The following MTMR9 variants were observed in gnomAD, a reference collection of about 807,000 sequenced individuals.
MTMR9 encodes myotubularin related protein 9.
Under a neutral mutation model 69.5 loss-of-function variants are expected in MTMR9, and 39 were observed. That is an observed-to-expected ratio of 0.56 (90% confidence interval 0.43 to 0.73). The LOEUF is 0.73. Ranked by LOEUF, MTMR9 falls within the 30% of genes least tolerant of loss-of-function variation. MTMR9 has a pLI of 0.00. For synonymous variants in MTMR9, 354 were observed against 240.8 expected (o/e 1.47, Z -4.35); for missense variants, 900 against 671.2 (o/e 1.34, Z -3.77).
rs532824326 is a variant in MTMR9 at position 11,316,849 on chromosome 8, T to G, written c.1290T>G (p.Tyr430Ter). The G allele has an allele frequency of 6.2e-7, 1 of 1,612,472 alleles. No individual in the cohort carries two copies. The highest frequency in any genetic ancestry group is 1.1e-5 in the South Asian group (1 of 90,824). Residue 430 changes from tyrosine to a stop codon, truncating the protein, a stop_gained, in exon 8 of 10, where the codon TAT becomes TAG. Coordinates refer to ENST00000221086, the MANE Select transcript of MTMR9 (RefSeq NM_015458.4). LOFTEE classifies it high-confidence loss of function. ...TCATCATGCTCTTTGAGCATGCTTA[T>G]GCCTCACAGTTTGGAACATTTCTGG... ...NFLIMLFEHA[Y>*]ASQFGTFLGN...
chr8:11,312,160 T>G (rs1372117367), intron 6 of MTMR9, among the ~76,000 whole-genome samples: 1 of 152,022 alleles, frequency 6.6e-6, no homozygotes, highest in East Asian at 1.9e-4. Flanking sequence ...TTCTCCCACC[T>G]CAGCCTCCCA....
downstream of MTMR9, among the ~76,000 whole-genome samples, chr8:11,332,617 T>TC (rs397796869): frequency 6.6e-6 from 1 of 151,920 alleles, no homozygotes; most frequent in Non-Finnish European, 1.5e-5. Flanking sequence ...CTTTTTTTTT[T>TC]CTGAGACAGA....
intron 5 of MTMR9, among the ~76,000 whole-genome samples, chr8:11,308,564 A>T (rs1800060233): frequency 6.6e-6 from 1 of 152,042 alleles, no homozygotes; most frequent in Admixed American, 6.6e-5. Flanking sequence ...TTCATGACTC[A>T]GTCTTGGTAG....
chr8:11,331,325 C>A, downstream of MTMR9: 2 of 1,613,978 alleles, frequency 1.2e-6, no homozygotes, highest in Non-Finnish European at 8.5e-7. Context: ...TGGAGCTGCT[C>A]ATCTGTCGAT....
intron 1 of MTMR9, among the ~76,000 whole-genome samples, chr8:11,290,540 T>G (rs974796596): frequency 2.6e-5 from 4 of 152,108 alleles, no homozygotes; most frequent in African/African-American, 9.7e-5. Flanking sequence ...ATCACCAGGA[T>G]GTTCTCCTAC....
In MTMR9 at chr8:11,288,024, GATATATA is replaced by G. The variant is rs1043952525; in HGVS notation, c.182+2962_182+2968del. 2.3e-4 allele frequency among the ~76,000 whole-genome samples: 27 copies of G among 117,830 alleles called. 1 individual carries two copies. In the South Asian group the frequency reaches 5.8e-3, roughly 25 times the overall value. The allele number at this position is 117,830 out of a possible 152,430, so 77.3% of individuals were successfully genotyped here. ...ATAATACATAGTATATAATACGTAT[GATATATA>G]ATATATATTATATAATACGTATTAT... On this transcript the variant is annotated intron_variant, in intron 1 of 9. Transcript: ENST00000221086.
At chr8:11,321,878 A>G (rs1446724211) in intron 9 of MTMR9, among the ~76,000 whole-genome samples, 2 of 152,178 alleles carry the variant, frequency 1.3e-5, no homozygotes, top group African/African-American at 4.8e-5. Flanking sequence ...GAGTGTTTTA[A>G]TGAATCATAA....
chr8:11,308,184 T>C (rs1475531945), intron 5 of MTMR9, among the ~76,000 whole-genome samples: 1 of 152,222 alleles, frequency 6.6e-6, no homozygotes, highest in African/African-American at 2.4e-5. Context: ...GGCCTTATGT[T>C]TAAGTCTTTA....
At chr8:11,298,399 T>A (rs1465425498) in intron 2 of MTMR9, among the ~76,000 whole-genome samples, 5 of 151,808 alleles carry the variant, frequency 3.3e-5, no homozygotes, top group South Asian at 2.1e-4. Context: ...ATATATATAT[T>A]TATATGGATA....
At chr8:11,302,133 G>A (rs528387438) in intron 3 of MTMR9, among the ~76,000 whole-genome samples, 2 of 151,560 alleles carry the variant, frequency 1.3e-5, no homozygotes, top group East Asian at 1.9e-4. Flanking sequence ...TGTGTCTTTG[G>A]TCCCAGTTAC....
chr8:11,331,063 C>G, downstream of MTMR9: 1 of 1,554,988 alleles, frequency 6.4e-7, no homozygotes, highest in African/African-American at 1.4e-5. Context: ...TCTGAGGGGC[C>G]CAGGCTCCCT....
chr8:11,299,417 A>G (rs1057092837), intron 2 of MTMR9, among the ~76,000 whole-genome samples: 1 of 152,184 alleles, frequency 6.6e-6, no homozygotes, highest in Non-Finnish European at 1.5e-5. Flanking sequence ...TGCTTCAACA[A>G]CACTATGAAG....
In MTMR9 at chr8:11,309,601, G is replaced by T. The variant is rs147515504; in HGVS notation, c.884G>T (p.Trp295Leu). The T allele has an allele frequency of 1.1e-5, 18 of 1,613,780 alleles. No homozygotes were observed. The highest frequency in any genetic ancestry group is 1.3e-5 in the African/African-American group (1 of 74,886). ...GACCAAACACATAACATGGACCGAT[G>T]GCTCAGTAAATTGGAGGCCTCTAAC... Reference protein sequence around the residue: ...CNDQTHNMDRWLSKLEASNWL... With the variant: ...CNDQTHNMDRLLSKLEASNWL... The change falls in exon 6 of 10, where the codon TGG (tryptophan) becomes TTG (leucine). Residue 295 changes from tryptophan (W) to leucine (L), a missense_variant. Trp to Leu is a moderately conservative substitution (Grantham distance 61). Coordinates refer to ENST00000221086, the MANE Select transcript of MTMR9 (RefSeq NM_015458.4).
At chr8:11,333,151 A>C in the MTMR9 span, among the ~76,000 whole-genome samples, 1 of 152,232 alleles carries the variant, frequency 6.6e-6, no homozygotes, top group Non-Finnish European at 1.5e-5. Flanking sequence ...CAAATCCAAG[A>C]AGCCTCTACA....
At chr8:11,286,275 G>A (rs1036634806) in intron 1 of MTMR9, among the ~76,000 whole-genome samples, 7 of 151,778 alleles carry the variant, frequency 4.6e-5, no homozygotes, top group African/African-American at 1.7e-4. Flanking sequence ...TCTAATGGTA[G>A]AATTGCAGGC....
intron 9 of MTMR9, chr8:11,321,453 C>A (rs1217413933): frequency 2.2e-6 from 1 of 456,500 alleles, no homozygotes; most frequent in Admixed American, 2.3e-5. Context: ...ACATTGGGAG[C>A]TGGGTGGCCT....
rs886148290 is a variant in MTMR9, at chr8:11,325,095, G to C, written c.*2307G>C. ...TGAGACAACAATCTATACTGTTTTGGCAAGTTTGCATTTTAGTATTAATTT... is the reference window on the plus strand; with the variant it reads ...TGAGACAACAATCTATACTGTTTTGCCAAGTTTGCATTTTAGTATTAATTT... On this transcript the variant is annotated 3_prime_UTR_variant, in exon 10 of 10. Transcript: ENST00000221086. 2.6e-5 allele frequency: 4 copies of C among 152,130 alleles called. No homozygotes were observed. Among genetic ancestry groups the C allele is most frequent in the Admixed American group, 6.5e-5 (1 of 15,276 alleles). 9.4% of individuals were successfully genotyped at this position (152,130 alleles called of 1,614,324 possible). A position where few individuals can be genotyped will look rare whatever the true frequency, so the allele number is the denominator to read the frequency against.
chr8:11,313,496 C>T (rs1800288147), intron 6 of MTMR9, among the ~76,000 whole-genome samples: 1 of 152,228 alleles, frequency 6.6e-6, no homozygotes, highest in African/African-American at 2.4e-5. Context: ...CCTGACTCAG[C>T]TTTCGACGTG....
intron 8 of MTMR9, chr8:11,317,627 G>A (rs901804707): frequency 1.3e-5 from 2 of 152,180 alleles, no homozygotes; most frequent in African/African-American, 4.8e-5. Flanking sequence ...ATGGCCTGGG[G>A]TTTGGGGATC....
Sources: allele counts gnomAD v4.1 joint callset (sites outside exome capture counted in the v4.1 genomes callset), GRCh38; gene constraint gnomAD v4.1.1; transcripts MANE v1.5; gene names NCBI Gene and HGNC (gene_info 2026-07-23, HGNC 2026-07-21).